Variants in SBF1 observed in about 807,000 individuals in gnomAD.
SBF1 encodes myotubularin-related protein 5.
In SBF1, 65 loss-of-function variants were observed where a neutral mutation model predicts 215.8. That is an observed-to-expected ratio of 0.30 (90% CI 0.25 to 0.37). The LOEUF (loss-of-function observed/expected upper bound fraction) is 0.37. Ranked by LOEUF, SBF1 falls within the 10% of genes least tolerant of loss-of-function variation. The probability of loss-of-function intolerance (pLI) is 1.00; values close to 1 mark genes in which losing one functional copy is unlikely to be tolerated. For missense variants in SBF1, 2,634 were observed against 2,667.8 expected, an observed-to-expected ratio of 0.99 and a Z score of 0.28; for synonymous variants, 1,410 against 1,122.8, an observed-to-expected ratio of 1.26 and a Z score of -5.11.
chr22:50,459,576 C>A lies in SBF1; in HGVS notation c.3582G>T (p.Val1194=), dbSNP rs1172549502. 1.2e-6 allele frequency: 2 copies of A among 1,609,570 alleles called. No homozygotes were observed. Among genetic ancestry groups the A allele is most frequent in the Non-Finnish European group, 1.7e-6 (2 of 1,179,056 alleles). ...TGGACCGCCCGCTGCGCCAGCAGAC[C>A]ACGGGGAAGCGGTTCTGGCGGTAGC... The part of the protein sequence containing the change: ...SRCYRQNRFP[V]VCWRSGRSKA... Residue 1194 remains valine, a synonymous_variant, in exon 27 of 41, where the codon GTG becomes GTT. Coordinates refer to ENST00000380817, the MANE Select transcript of SBF1 (RefSeq NM_002972.4).
intron 36 of SBF1, 125 bp from the exon 37 acceptor site, chr22:50,448,775 A>C: frequency 1.5e-6 from 1 of 684,438 alleles, no homozygotes; most frequent in Non-Finnish European, 2.5e-6. Flanking sequence ...GACTGGCCAC[A>C]GGGGGAGGTG....
chr22:50,465,257 G>A lies in SBF1; in HGVS notation c.1161C>T (p.His387=), dbSNP rs369261069. The A allele has an allele frequency of 1.3e-4, 212 of 1,611,782 alleles. No homozygotes were observed. Among genetic ancestry groups the A allele is most frequent in the East Asian group, 5.4e-4 (24 of 44,804 alleles). The change falls in exon 11 of 41, where the codon CAC becomes CAT. Residue 387 remains histidine (H), a synonymous_variant. Transcript: ENST00000380817. ...QLLQGYRWCL[H]VVRIHPEPVI... ...CAGGCTCCGGGTGGATGCGCACGAC[G>A]TGCAGGCACCAGCGATAGCCCTGCA...
Position 50,464,586 on chromosome 22 carries a change from G to A in SBF1, c.1584C>T (p.Pro528=). 1 of 1,612,178 alleles carries A rather than the reference G, an allele frequency of 6.2e-7. No individual in the cohort carries two copies. ...DQAAAKMQGA[P]PAVKAERRTT... ...TCCTCCTCTCGGCCTTCACAGCTGGGGGTGCACCCTGCATCTTGGCTGCAG... is the reference window on the plus strand; with the variant it reads ...TCCTCCTCTCGGCCTTCACAGCTGGAGGTGCACCCTGCATCTTGGCTGCAG... Residue 528 remains proline (P), a synonymous_variant, in exon 14 of 41, where the codon CCC becomes CCT. Transcript: ENST00000380817.
In SBF1 at chr22:50,450,182, C is replaced by T. The variant is rs143984375; in HGVS notation, c.5044-1532G>A. ...GTTGGCCAAATTAGGCTGCCATGTG[C>T]AAAGCAAGATGTCACAAGGCCTGGC... is the stretch of plus-strand genomic sequence containing the variant. On this transcript the variant is annotated intron_variant, in intron 36 of 40. Transcript: ENST00000380817. Among the ~76,000 whole-genome samples the T allele has an allele frequency of 2.1e-3, 314 of 152,318 alleles. 1 individual carries two copies. The highest frequency in any genetic ancestry group is 3.4e-3 in the Non-Finnish European group (228 of 68,026).
intron 28 of SBF1, among the ~76,000 whole-genome samples, chr22:50,458,174 G>A (rs557085792): frequency 6.6e-6 from 1 of 152,014 alleles, no homozygotes; most frequent in Non-Finnish European, 1.5e-5. Context: ...GCGCGGTGGC[G>A]GGCACCTGTA....
At chr22:50,466,759 C>G in intron 5 of SBF1, 49 bp from the exon 6 acceptor site, 1 of 1,324,058 alleles carries the variant, frequency 7.6e-7, no homozygotes, top group Non-Finnish European at 1.0e-6. Flanking sequence ...AGAGCCAGCC[C>G]AGAGTCAGCC....
intron 29 of SBF1, 68 bp from the exon 30 acceptor site, chr22:50,456,741 C>T: frequency 7.3e-7 from 1 of 1,367,342 alleles, no homozygotes; most frequent in Non-Finnish European, 9.7e-7. Flanking sequence ...GCTGGCTGGG[C>T]CCGGCCTCCA....
In SBF1 at chr22:50,447,055, G is replaced by T; in HGVS notation, c.*87C>A. The T allele has an allele frequency of 8.3e-7, 1 of 1,205,910 alleles. No homozygotes were observed. The highest frequency in any genetic ancestry group is 1.3e-5 in the South Asian group (1 of 74,346). 74.7% of individuals were successfully genotyped at this position (1,205,910 alleles called of 1,614,324 possible). A position where few individuals can be genotyped will look rare whatever the true frequency, so the allele number is the denominator to read the frequency against. On this transcript the variant is annotated 3_prime_UTR_variant, in exon 41 of 41. Coordinates refer to ENST00000380817, the MANE Select transcript of SBF1 (RefSeq NM_002972.4). ...GGGGCCTCAATACTGTCGAGGGCCG[G>T]GGCTGTAAACATGGCCGGGGCGGCC...
intron 2 of SBF1, 58 bp downstream of exon 2, chr22:50,468,318 G>A: frequency 6.7e-7 from 1 of 1,491,782 alleles, no homozygotes; most frequent in Non-Finnish European, 9.3e-7. Context: ...CAAGGGCAGG[G>A]CTGTGCCCAC....
In SBF1 at chr22:50,446,804, C is replaced by T. The variant is rs766994616; in HGVS notation, c.*338G>A. 124 of 626,498 alleles carry T rather than the reference C, an allele frequency of 2.0e-4. 1 individual carries two copies. The highest frequency in any genetic ancestry group is 1.8e-3 in the East Asian group (54 of 29,482). 38.8% of individuals were successfully genotyped at this position (626,498 alleles called of 1,614,324 possible). On this transcript the variant is annotated 3_prime_UTR_variant, in exon 41 of 41. Transcript: ENST00000380817. The stretch of plus-strand genomic sequence containing the variant: ...GGAGTGGGGAAGGCAGGCACAGGAG[C>T]GTGGCGTTAGTTCTCTCTTTATATA...
Position 50,448,452 on chromosome 22 carries a change from C to T in SBF1, c.5152-8G>A, listed in dbSNP as rs751440481. On this transcript the variant is annotated splice_region_variant and splice_polypyrimidine_tract_variant and intron_variant, in intron 37 of 40. Transcript: ENST00000380817. ...GAGGGAGCTAGGGGTGCCCTGGGAA[C>T]AGGAGGTTGGGACTTGGGTCAGGGC... The T allele has an allele frequency of 6.2e-7, 1 of 1,613,328 alleles. No individual in the cohort carries two copies. The highest frequency in any genetic ancestry group is 1.1e-5 in the South Asian group (1 of 91,078).
In SBF1 at chr22:50,447,315, G is replaced by C. The variant is rs560601145; in HGVS notation, c.5583+7C>G. The C allele has an allele frequency of 6.2e-7, 1 of 1,613,786 alleles. No homozygotes were observed. The highest frequency in any genetic ancestry group is 1.1e-5 in the South Asian group (1 of 91,084). Reference sequence around the variant, plus strand: ...CTCCCCTCTCCCAAGCCCCGGCCAAGGCTCACGTCAAAGAAGGCCTTCTCG... The same window carrying C: ...CTCCCCTCTCCCAAGCCCCGGCCAACGCTCACGTCAAAGAAGGCCTTCTCG... On this transcript the variant is annotated splice_region_variant and intron_variant, in intron 40 of 40. Coordinates refer to ENST00000380817, the MANE Select transcript of SBF1 (RefSeq NM_002972.4).
rs1440668354 is a variant in SBF1, at chr22:50,454,748, G to A, written c.4813-6C>T. The A allele has an allele frequency of 1.9e-6, 3 of 1,586,960 alleles. No individual in the cohort carries two copies. The highest frequency in any genetic ancestry group is 1.4e-5 in the African/African-American group (1 of 73,350). ...TTGCTGTAGGGCCGCAGGACCTGAG[G>A]GTGGGCCTGTGGTTGAGGACCTGGG... On this transcript the variant is annotated splice_region_variant and splice_polypyrimidine_tract_variant and intron_variant, in intron 35 of 40. Transcript: ENST00000380817.
chr22:50,463,555 T>C (rs759086142), intron 15 of SBF1, 123 bp from the exon 16 acceptor site: 155 of 1,120,142 alleles, frequency 1.4e-4, no homozygotes, highest in Non-Finnish European at 1.9e-4. Flanking sequence ...TGCCAGACTC[T>C]GGGGCTTTGC....
rs2067777202 is a variant in SBF1 at position 50,466,729 on chromosome 22, CGGGGCTCAGTAGTTT to C, written c.550-34_550-20del. On this transcript the variant is annotated intron_variant, in intron 5 of 40. Transcript: ENST00000380817. ...TCGTCCTCTGCAGCAAAAAAAGGAT[CGGGGCTCAGTAGTTT>C]GGCCAGAGCCAGCCCAGAGTCAGCC... 2.7e-6 allele frequency: 4 copies of C among 1,497,514 alleles called. No homozygotes were observed. 92.8% of individuals were successfully genotyped at this position (1,497,514 alleles called of 1,614,324 possible).
chr22:50,465,616 G>C (rs1198865314), intron 10 of SBF1, 147 bp downstream of exon 10: 2 of 772,718 alleles, frequency 2.6e-6, no homozygotes, highest in Non-Finnish European at 2.1e-6. Flanking sequence ...CTAACTGCTG[G>C]CAGCTGCTTT....
intron 36 of SBF1, among the ~76,000 whole-genome samples, chr22:50,451,394 A>C (rs2067041884): frequency 6.6e-6 from 1 of 152,168 alleles, no homozygotes; most frequent in South Asian, 2.1e-4. Context: ...ATTAAAAACA[A>C]GAAAGAAAAG....
chr22:50,456,802 G>A, intron 29 of SBF1, 129 bp from the exon 30 acceptor site: 4 of 838,916 alleles, frequency 4.8e-6, no homozygotes, highest in Non-Finnish European at 7.2e-6. Flanking sequence ...ACCCCAGCAG[G>A]GCCGTGCGAG....
At chr22:50,471,916 G>A (rs573733425) in intron 1 of SBF1, among the ~76,000 whole-genome samples, 4 of 152,336 alleles carry the variant, frequency 2.6e-5, no homozygotes, top group African/African-American at 9.6e-5. Context: ...CTTTTTCTCA[G>A]ATCCAAGGGG....
Sources: allele counts gnomAD v4.1 joint callset (sites outside exome capture counted in the v4.1 genomes callset), GRCh38; gene constraint gnomAD v4.1.1; transcripts MANE v1.5; gene names NCBI Gene and HGNC (gene_info 2026-07-23, HGNC 2026-07-21).